Variants in TRPM3 observed in about 807,000 individuals in gnomAD.
The protein encoded by TRPM3 is transient receptor potential cation channel subfamily M member 3.
In TRPM3, 77 loss-of-function variants were observed where a neutral mutation model predicts 181.2. The ratio of observed to expected loss-of-function variants is 0.42; its 90% confidence interval spans 0.35 to 0.51. The LOEUF (loss-of-function observed/expected upper bound fraction) is 0.51. Ranked by LOEUF, TRPM3 falls within the 20% of genes least tolerant of loss-of-function variation. The pLI is 0.01. For synonymous variants in TRPM3, 745 were observed against 796.4 expected, an observed-to-expected ratio of 0.94 and a Z score of 1.09; for missense variants, 1,759 against 2,196.7, an observed-to-expected ratio of 0.80 and a Z score of 3.98.
chr9:70,611,474 T>A (rs962269618), intron 18 of TRPM3, among the ~76,000 whole-genome samples: 2 of 152,150 alleles, frequency 1.3e-5, no homozygotes, highest in East Asian at 3.9e-4. Context: ...CCTGCCACCA[T>A]ATAAGACATG....
At chr9:71,151,851 T>C (rs1443318704) in intron 1 of TRPM3, among the ~76,000 whole-genome samples, 6 of 152,132 alleles carry the variant, frequency 3.9e-5, no homozygotes, top group Non-Finnish European at 8.8e-5. Flanking sequence ...TAACAGTGAA[T>C]ATTTTGTGTT....
At chr9:71,125,051 C>T (rs1362931731), upstream of TRPM3, among the ~76,000 whole-genome samples, 1 of 152,034 alleles carries the variant, frequency 6.6e-6, no homozygotes, top group Non-Finnish European at 1.5e-5. Flanking sequence ...ATTTAAGCAA[C>T]CAGGGGAAAA....
intron 1 of TRPM3, among the ~76,000 whole-genome samples, chr9:71,276,513 C>T (rs1329522696): frequency 2.0e-5 from 3 of 151,948 alleles, no homozygotes; most frequent in East Asian, 3.9e-4. Flanking sequence ...GAAATAATCA[C>T]AAATTTTACA....
At position 70,598,563 on chromosome 9, in the gene TRPM3, C is replaced by A; in HGVS notation, c.2904G>T (p.Met968Ile). The A allele has an allele frequency of 6.2e-7, 1 of 1,614,208 alleles. No homozygotes were observed. The highest frequency in any genetic ancestry group is 8.5e-7 in the Non-Finnish European group (1 of 1,180,042). The change falls in exon 21 of 26, where the codon ATG becomes ATT. Residue 968 changes from methionine to isoleucine, a missense_variant. Physicochemically the swap from Met to Ile is conservative, Grantham distance 10. Coordinates refer to ENST00000677713, the MANE Select transcript of TRPM3 (RefSeq NM_001366145.2). ...AGGGCTGGTCTTGGAGACGAAGGATCATTCCGACAGAAAACAGAAGGATGG... is the reference window on the plus strand; with the variant it reads ...AGGGCTGGTCTTGGAGACGAAGGATAATTCCGACAGAAAACAGAAGGATGG... ...LIAILLFSVG[M>I]ILRLQDQPFR...
intron 8 of TRPM3, among the ~76,000 whole-genome samples, chr9:70,692,430 T>C (rs1159559600): frequency 2.0e-5 from 3 of 152,158 alleles, no homozygotes; most frequent in African/African-American, 7.2e-5. Context: ...TAGCTAGAAA[T>C]GAGTATTTTA....
At chr9:70,619,159 G>A in intron 16 of TRPM3, 64 bp from the exon 17 acceptor site, 1 of 1,410,266 alleles carries the variant, frequency 7.1e-7, no homozygotes, top group East Asian at 2.4e-5. Flanking sequence ...GGTAAAAGTG[G>A]ACCTGCTGGC....
At chr9:71,317,950 A>T (rs2088805947) in intron 1 of TRPM3, among the ~76,000 whole-genome samples, 1 of 152,272 alleles carries the variant, frequency 6.6e-6, no homozygotes, top group East Asian at 1.9e-4. Flanking sequence ...TTGGGCTTCA[A>T]CATTTAAAAT....
intron 1 of TRPM3, among the ~76,000 whole-genome samples, chr9:71,021,993 T>G (rs1279125664): frequency 6.6e-6 from 1 of 152,164 alleles, no homozygotes; most frequent in Admixed American, 6.5e-5. Context: ...TACAGGAGGT[T>G]GGAATGAAGA....
intron 1 of TRPM3, among the ~76,000 whole-genome samples, chr9:71,443,876 G>A (rs1589050453): frequency 6.6e-6 from 1 of 152,010 alleles, no homozygotes; most frequent in South Asian, 2.1e-4. Context: ...GCAATGCTTT[G>A]TTGCTAGTGA....
At chr9:70,684,371 G>A (rs1001031784) in intron 8 of TRPM3, among the ~76,000 whole-genome samples, 1 of 152,164 alleles carries the variant, frequency 6.6e-6, no homozygotes, top group African/African-American at 2.4e-5. Flanking sequence ...GCTGGTTTCA[G>A]AACCCAAGGA....
intron 1 of TRPM3, among the ~76,000 whole-genome samples, chr9:70,974,172 T>TC (rs1475104476): frequency 1.3e-5 from 2 of 152,200 alleles, no homozygotes; most frequent in African/African-American, 2.4e-5. Context: ...CTGCTTTTTT[T>TC]TCCCTTGATA....
intron 1 of TRPM3, among the ~76,000 whole-genome samples, chr9:71,155,088 A>C (rs2134655622): frequency 6.6e-6 from 1 of 152,304 alleles, no homozygotes; most frequent in South Asian, 2.1e-4. Context: ...ATCAAATAGT[A>C]TTAATTGTAA....
chr9:71,168,102 AC>A (rs1236529067), intron 1 of TRPM3, among the ~76,000 whole-genome samples: 1 of 152,098 alleles, frequency 6.6e-6, no homozygotes, highest in Non-Finnish European at 1.5e-5. Context: ...AAAAACTATC[AC>A]CCATCATCAT....
intron 1 of TRPM3, among the ~76,000 whole-genome samples, chr9:71,415,310 T>C (rs2093620013): frequency 6.6e-6 from 1 of 152,090 alleles, no homozygotes; most frequent in Non-Finnish European, 1.5e-5. Flanking sequence ...GAGAATAAAC[T>C]TCTGTTGTCT....
At chr9:71,397,727 A>G (rs761503784) in intron 1 of TRPM3, among the ~76,000 whole-genome samples, 1 of 152,204 alleles carries the variant, frequency 6.6e-6, no homozygotes, top group African/African-American at 2.4e-5. Context: ...CCATGGTCTA[A>G]TATTACGTTT....
chr9:70,578,653 C>T (rs912820855), intron 22 of TRPM3, among the ~76,000 whole-genome samples: 4 of 152,198 alleles, frequency 2.6e-5, no homozygotes, highest in Non-Finnish European at 5.9e-5. Context: ...TCAATGGGGA[C>T]CTGCAGCACT....
rs745591418 is a variant in TRPM3 at position 70,863,085 on chromosome 9, C to T, written c.285G>A (p.Gln95=). 142 of 1,613,272 alleles carry T rather than the reference C, an allele frequency of 8.8e-5. 1 individual carries two copies. The East Asian group carries it at 3.0e-3, about 34-fold the overall frequency. Residue 95 remains glutamine, a synonymous_variant, in exon 3 of 26, where the codon CAG becomes CAA. Coordinates refer to ENST00000677713, the MANE Select transcript of TRPM3 (RefSeq NM_001366145.2). ...AGATACTGGGGGTGAGGCCAACATG[C>T]TGGCCTATCAGACGCCCACAGCAAC... ...HRCCCGRLIG[Q]HVGLTPSISV...
chr9:71,064,772 G>C (rs1014911773), intron 1 of TRPM3, among the ~76,000 whole-genome samples: 3 of 152,044 alleles, frequency 2.0e-5, no homozygotes, highest in Non-Finnish European at 4.4e-5. Flanking sequence ...TAATGTTTCT[G>C]TTGTAGTGAC....
chr9:71,278,856 C>T (rs1284521425), intron 1 of TRPM3, among the ~76,000 whole-genome samples: 2 of 151,792 alleles, frequency 1.3e-5, no homozygotes, highest in African/African-American at 4.8e-5. Context: ...CAAGAAAAAA[C>T]GTGAAACCTA....
Sources: gnomAD v4.1 joint callset for allele counts (sites outside exome capture counted in the v4.1 genomes callset) on GRCh38, gnomAD v4.1.1 for gene constraint, MANE v1.5 for transcripts, NCBI Gene and HGNC (gene_info 2026-07-23, HGNC 2026-07-21) for gene names.